STXBP5L: variants seen among roughly 807,000 people sequenced by gnomAD.
STXBP5L encodes syntaxin-binding protein 5-like.
Under a neutral mutation model 144.5 loss-of-function variants are expected in STXBP5L, and 65 were observed. That is an observed-to-expected ratio of 0.45 (90% CI 0.37 to 0.55). The LOEUF (loss-of-function observed/expected upper bound fraction) is 0.55. Among genes scored for constraint, STXBP5L ranks in the 20% least tolerant of loss-of-function variants. STXBP5L has a pLI of 0.00. For synonymous variants in STXBP5L, 505 were observed against 469.6 expected, an observed-to-expected ratio of 1.08 and a Z score of -0.97; for missense variants, 1,298 against 1,405.5, an observed-to-expected ratio of 0.92 and a Z score of 1.22.
intron 22 of STXBP5L, among the ~76,000 whole-genome samples, chr3:121,401,366 C>T (rs2046869608): frequency 1.3e-5 from 2 of 151,412 alleles, no homozygotes; most frequent in Non-Finnish European, 2.9e-5. Context: ...ACTAGAAATA[C>T]CATTTGACCC....
chr3:121,050,504 A>T (rs1947885306), intron 5 of STXBP5L, among the ~76,000 whole-genome samples: 1 of 152,164 alleles, frequency 6.6e-6, no homozygotes, highest in Non-Finnish European at 1.5e-5. Flanking sequence ...ATTGAAGGAG[A>T]AATAAAATAC....
At chr3:121,189,940 A>G (rs2047570049) in intron 9 of STXBP5L, among the ~76,000 whole-genome samples, 1 of 152,202 alleles carries the variant, frequency 6.6e-6, no homozygotes, top group East Asian at 1.9e-4. Context: ...TCTCTTTCAT[A>G]GAAAGCACTT....
intron 3 of STXBP5L, among the ~76,000 whole-genome samples, chr3:120,993,181 T>G (rs2107983062): frequency 6.6e-6 from 1 of 152,238 alleles, no homozygotes; most frequent in Middle Eastern, 3.4e-3. Flanking sequence ...TGTTGAACTA[T>G]TTGAGTTCCT....
chr3:120,954,140 G>T (rs553213232), intron 2 of STXBP5L, among the ~76,000 whole-genome samples: 96 of 152,208 alleles, frequency 6.3e-4, no homozygotes, highest in African/African-American at 2.3e-3. Context: ...AGTTGCAGAT[G>T]TCAGTATACT....
intron 19 of STXBP5L, among the ~76,000 whole-genome samples, chr3:121,293,667 C>A (rs1179147205): frequency 6.6e-6 from 1 of 152,162 alleles, no homozygotes; most frequent in Non-Finnish European, 1.5e-5. Context: ...CAAGACAAGC[C>A]TGGCCAATAT....
chr3:121,336,893 A>G (rs1211205568), intron 20 of STXBP5L, among the ~76,000 whole-genome samples: 2 of 152,246 alleles, frequency 1.3e-5, no homozygotes, highest in Admixed American at 6.5e-5. Context: ...AATATGGTAC[A>G]TATACACCAT....
chr3:121,146,890 G>A (rs2045731514), intron 7 of STXBP5L, among the ~76,000 whole-genome samples: 1 of 152,016 alleles, frequency 6.6e-6, no homozygotes, highest in Non-Finnish European at 1.5e-5. Context: ...TATCTGAATT[G>A]TGTTTTCATT....
At chr3:121,031,708 T>C (rs535365485) in intron 3 of STXBP5L, among the ~76,000 whole-genome samples, 1 of 152,200 alleles carries the variant, frequency 6.6e-6, no homozygotes, top group Non-Finnish European at 1.5e-5. Context: ...TGGTATTTGG[T>C]CAAAAACTGG....
chr3:120,982,391 G>C (rs1036115005), intron 3 of STXBP5L, among the ~76,000 whole-genome samples: 1 of 152,184 alleles, frequency 6.6e-6, no homozygotes, highest in Non-Finnish European at 1.5e-5. Context: ...TGAGTGGCAG[G>C]GAGAGCTCCT....
At chr3:121,062,599 T>C (rs888865602) in intron 5 of STXBP5L, among the ~76,000 whole-genome samples, 1 of 152,204 alleles carries the variant, frequency 6.6e-6, no homozygotes, top group East Asian at 1.9e-4. Context: ...TACTGAAGAG[T>C]GTTTTCCAAC....
chr3:121,053,831 C>T (rs1422993309), intron 5 of STXBP5L, among the ~76,000 whole-genome samples: 4 of 151,976 alleles, frequency 2.6e-5, no homozygotes, highest in African/African-American at 9.7e-5. Context: ...ATTTTCGCAA[C>T]CTACTCATCT....
chr3:121,370,517 T>G (rs1317443095), intron 20 of STXBP5L, among the ~76,000 whole-genome samples: 3 of 152,188 alleles, frequency 2.0e-5, no homozygotes, highest in Non-Finnish European at 4.4e-5. Flanking sequence ...CTAAACACCT[T>G]TTCTTGATAA....
intron 20 of STXBP5L, chr3:121,357,723 C>G (rs1294884510): frequency 2.6e-5 from 4 of 152,194 alleles, no homozygotes; most frequent in East Asian, 1.9e-4. Context: ...GCCAAGACTG[C>G]TGCTGAAGGC....
At chr3:121,033,775 A>T (rs935383745) in intron 3 of STXBP5L, among the ~76,000 whole-genome samples, 1 of 151,878 alleles carries the variant, frequency 6.6e-6, no homozygotes, top group Non-Finnish European at 1.5e-5. Flanking sequence ...TTTATATAAA[A>T]TTATATACTT....
intron 9 of STXBP5L, among the ~76,000 whole-genome samples, chr3:121,170,907 A>G (rs891471746): frequency 6.6e-6 from 1 of 152,224 alleles, no homozygotes; most frequent in Non-Finnish European, 1.5e-5. Context: ...ATTTCAGGCC[A>G]ATATCCCTGA....
At chr3:121,308,730 G>C (rs1222671888) in intron 19 of STXBP5L, among the ~76,000 whole-genome samples, 1 of 151,860 alleles carries the variant, frequency 6.6e-6, no homozygotes, top group Non-Finnish European at 1.5e-5. Flanking sequence ...AAATCAGAAG[G>C]TTATAAATAT....
chr3:121,018,048 C>T (rs1024181048), intron 3 of STXBP5L, among the ~76,000 whole-genome samples: 1 of 152,150 alleles, frequency 6.6e-6, no homozygotes, highest in Non-Finnish European at 1.5e-5. Flanking sequence ...CACTGCACTC[C>T]AGCCTGGGTG....
intron 3 of STXBP5L, among the ~76,000 whole-genome samples, chr3:120,998,851 CTGAA>C (rs1943554895): frequency 2.6e-5 from 4 of 152,052 alleles, no homozygotes; most frequent in Non-Finnish European, 5.9e-5. Context: ...CAAAATATTG[CTGAA>C]TGAAGTGAGA....
At chr3:121,354,908 A>G (rs1246951194) in intron 20 of STXBP5L, among the ~76,000 whole-genome samples, 4 of 152,072 alleles carry the variant, frequency 2.6e-5, no homozygotes, top group Non-Finnish European at 5.9e-5. Context: ...ATCTCTCAGC[A>G]TTTGCTTGTC....
Sources: allele counts gnomAD v4.1 joint callset (sites outside exome capture counted in the v4.1 genomes callset), GRCh38; gene constraint gnomAD v4.1.1; transcripts MANE v1.5; gene names NCBI Gene and HGNC (gene_info 2026-07-23, HGNC 2026-07-21).